Variants in KCNQ2 observed in about 807,000 individuals in gnomAD.
KCNQ2 encodes the protein potassium voltage-gated channel subfamily Q member 2.
Under a neutral mutation model 84.8 loss-of-function variants are expected in KCNQ2, and 14 were observed. The ratio of observed to expected loss-of-function variants is 0.17; its 90% CI spans 0.11 to 0.26. The LOEUF is 0.26. Among genes scored for constraint, KCNQ2 ranks in the 10% least tolerant of loss-of-function variants. The pLI, the probability that KCNQ2 is intolerant of heterozygous loss-of-function variation, is 1.00. For synonymous variants in KCNQ2, 599 were observed against 554.1 expected, an observed-to-expected ratio of 1.08 and a Z score of -1.14; for missense variants, 788 against 1,254.0, an observed-to-expected ratio of 0.63 and a Z score of 5.61.
At chr20:63,431,694 G>A (rs2080791863) in intron 8 of KCNQ2, among the ~76,000 whole-genome samples, 1 of 152,086 alleles carries the variant, frequency 6.6e-6, no homozygotes, top group South Asian at 2.1e-4. Flanking sequence ...GACCGCCAAG[G>A]GCTCTGGCAT....
intron 12 of KCNQ2, among the ~76,000 whole-genome samples, chr20:63,416,432 C>T (rs2080299750): frequency 6.6e-6 from 1 of 152,162 alleles, no homozygotes. Context: ...GATGTGGCCT[C>T]CTGAGGTCTG....
Position 63,456,102 on chromosome 20 carries a change from C to T in KCNQ2, c.297-9265G>A, listed in dbSNP as rs540617651. 5.2e-4 allele frequency among the ~76,000 whole-genome samples: 41 copies of T among 78,890 alleles called. 1 individual carries two copies. The highest frequency in any genetic ancestry group is 1.1e-3 in the South Asian group (2 of 1,772). 51.8% of individuals were successfully genotyped at this position (78,890 alleles called of 152,430 possible). A position where few individuals can be genotyped will look rare whatever the true frequency, so the allele number is the denominator to read the frequency against. On this transcript the variant is annotated intron_variant, in intron 1 of 16. Coordinates refer to ENST00000359125, the MANE Select transcript of KCNQ2 (RefSeq NM_172107.4). The stretch of plus-strand genomic sequence containing the variant: ...CCCCACCTCCGGGAGGCCCCTCTGC[C>T]CACGGGCCCCCCACCTCCGGGAGGC...
At chr20:63,465,749 C>T (rs1472071289) in intron 1 of KCNQ2, among the ~76,000 whole-genome samples, 1 of 152,208 alleles carries the variant, frequency 6.6e-6, no homozygotes, top group Non-Finnish European at 1.5e-5. Flanking sequence ...CAGGGCCCTC[C>T]CCTCCACAAA....
chr20:63,438,430 G>A lies in KCNQ2; in HGVS notation c.1023+195C>T, dbSNP rs2081066588. 2 of 644,852 alleles carry A rather than the reference G, an allele frequency of 3.1e-6. No homozygotes were observed. The highest frequency in any genetic ancestry group is 5.6e-6 in the Non-Finnish European group (2 of 356,120). 39.9% of individuals were successfully genotyped at this position (644,852 alleles called of 1,614,324 possible). A position where few individuals can be genotyped will look rare whatever the true frequency, so the allele number is the denominator to read the frequency against. On this transcript the variant is annotated intron_variant, in intron 7 of 16. Transcript: ENST00000359125. The surrounding 1 kb of genome is among the most constrained non-coding windows in gnomAD (Gnocchi z 5.1). Reference sequence around the variant, plus strand: ...GCGTCCTCACACGAGCCACCCCTGTGCAGCCTCAGGGGTTGGAGCCATTTC... The same window carrying A: ...GCGTCCTCACACGAGCCACCCCTGTACAGCCTCAGGGGTTGGAGCCATTTC...
chr20:63,432,565 G>A (rs1209434547), intron 8 of KCNQ2, among the ~76,000 whole-genome samples: 2 of 143,928 alleles, frequency 1.4e-5, no homozygotes, highest in Non-Finnish European at 3.0e-5. Context: ...CTCAGGGAAG[G>A]CTCCACCCTC....
intron 4 of KCNQ2, among the ~76,000 whole-genome samples, chr20:63,442,758 TCACCACCATCACCATCACCAC>T (rs2081223859): frequency 2.9e-4 from 10 of 34,812 alleles, no homozygotes; most frequent in Admixed American, 9.0e-4. Flanking sequence ...ACCATCACCA[TCACCACCATCACCATCACCAC>T]CACCACCATC....
Position 63,446,476 on chromosome 20 carries a change from C to T in KCNQ2, c.387+271G>A, listed in dbSNP as rs1459203748. Among the ~76,000 whole-genome samples, 1 of 152,152 alleles carries T rather than the reference C, an allele frequency of 6.6e-6. No individual in the cohort carries two copies. Among genetic ancestry groups the T allele is most frequent in the Non-Finnish European group, 1.5e-5 (1 of 68,008 alleles). ...GATGGGAAAGGGAGGGTGGCCCACCCAGGGTGGGGGCGATGGAGGCGGGGC... is the reference window on the plus strand; with the variant it reads ...GATGGGAAAGGGAGGGTGGCCCACCTAGGGTGGGGGCGATGGAGGCGGGGC... On this transcript the variant is annotated intron_variant, in intron 2 of 16. Coordinates refer to ENST00000359125, the MANE Select transcript of KCNQ2 (RefSeq NM_172107.4). This position sits in a 1 kb window ranked among gnomAD's most constrained non-coding sequence, Gnocchi z 5.5.
At chr20:63,428,993 G>C (rs1033623649) in intron 9 of KCNQ2, among the ~76,000 whole-genome samples, 1 of 152,030 alleles carries the variant, frequency 6.6e-6, no homozygotes, top group Non-Finnish European at 1.5e-5. Flanking sequence ...ATCCTCCGCA[G>C]GTGGCCCAGC....
rs933583211 is a variant in KCNQ2 at position 63,460,365 on chromosome 20, C to A, written c.296+11803G>T. ...ACACTCCCTTCATGGGCTCAAGCTG[C>A]CTGTCAGCCCCACCCGAAACCCATT... On this transcript the variant is annotated intron_variant, in intron 1 of 16. Transcript: ENST00000359125. The surrounding 1 kb of genome is among the most constrained non-coding windows in gnomAD (Gnocchi z 5.4). 6.6e-6 allele frequency among the ~76,000 whole-genome samples: 1 copy of A among 152,150 alleles called. No individual in the cohort carries two copies. The highest frequency in any genetic ancestry group is 1.5e-5 in the Non-Finnish European group (1 of 68,006).
chr20:63,463,357 G>C (rs1032478530), intron 1 of KCNQ2, among the ~76,000 whole-genome samples: 1 of 152,098 alleles, frequency 6.6e-6, no homozygotes, highest in Non-Finnish European at 1.5e-5. Flanking sequence ...TCCGTCCTGG[G>C]GTGGCGCTCC....
Position 63,444,712 on chromosome 20 carries a change from G to T in KCNQ2, c.637C>A (p.Arg213=), listed in dbSNP as rs118192203. ...AGCAGCTTCCAGGTGCCTCCCCGCC[G>T]GTCCATGCGGATCATCCGCAGAATC... ...LQILRMIRMD[R]RGGTWKLLGS... is the part of the protein sequence containing the mutation. The change falls in exon 4 of 17, where the codon CGG becomes AGG. Residue 213 remains arginine, a synonymous_variant. Coordinates refer to ENST00000359125, the MANE Select transcript of KCNQ2 (RefSeq NM_172107.4). The T allele has an allele frequency of 6.3e-7, 1 of 1,597,166 alleles. No individual in the cohort carries two copies. Among genetic ancestry groups the T allele is most frequent in the South Asian group, 1.1e-5 (1 of 88,370 alleles).
At chr20:63,443,367 T>G (rs1175412186) in intron 4 of KCNQ2, among the ~76,000 whole-genome samples, 2 of 20,288 alleles carry the variant, frequency 9.9e-5, no homozygotes, top group East Asian at 1.3e-3. Context: ...ACCATCACCA[T>G]CATCACCACC....
At chr20:63,415,193 G>T in intron 12 of KCNQ2, 67 bp from the exon 13 acceptor site, 1 of 1,411,798 alleles carries the variant, frequency 7.1e-7, no homozygotes, top group Non-Finnish European at 9.8e-7. Flanking sequence ...AAAGAACACA[G>T]GCCGTGTCTG....
In KCNQ2 at chr20:63,442,650, TCACCACCACCATCACCACCACCACCAC is replaced by T. The variant is rs1568933436; in HGVS notation, c.691-146_691-120del. On this transcript the variant is annotated intron_variant, in intron 4 of 16. Coordinates refer to ENST00000359125, the MANE Select transcript of KCNQ2 (RefSeq NM_172107.4). ...ACCACCATCACCACCACCAAAACCA[TCACCACCACCATCACCACCACCACCAC>T]CACCACCATCACCATCACCACCATC... is the stretch of plus-strand genomic sequence containing the variant. The T allele has an allele frequency of 4.8e-5, 35 of 733,390 alleles. 1 individual carries two copies. The African/African-American group carries it at 7.9e-4, about 17-fold the overall frequency. The allele number at this position is 733,390 out of a possible 1,614,324, so 45.4% of individuals were successfully genotyped here. A position where few individuals can be genotyped will look rare whatever the true frequency, so the allele number is the denominator to read the frequency against.
chr20:63,412,027 C>T (rs941054846), intron 15 of KCNQ2: 42 of 593,496 alleles, frequency 7.1e-5, no homozygotes, highest in South Asian at 2.4e-4. Flanking sequence ...GTGTGGACGC[C>T]GCCTCGCTGG....
chr20:63,458,096 AC>A (rs2081852157), intron 1 of KCNQ2, among the ~76,000 whole-genome samples: 1 of 148,078 alleles, frequency 6.8e-6, no homozygotes, highest in South Asian at 2.2e-4. Flanking sequence ...GCCCTCCCCG[AC>A]CCCGCAACCT....
chr20:63,415,168 G>C (rs1167963387), intron 12 of KCNQ2, 42 bp from the exon 13 acceptor site: 1 of 775,736 alleles, frequency 1.3e-6, no homozygotes, highest in Non-Finnish European at 2.0e-6. Flanking sequence ...AAAACAGGGA[G>C]AGAAGTCACT....
Position 63,446,198 on chromosome 20 carries a change from C to T in KCNQ2, c.387+549G>A. The T allele has an allele frequency of 3.8e-6, 1 of 263,320 alleles. No homozygotes were observed. The highest frequency in any genetic ancestry group is 7.4e-6 in the Non-Finnish European group (1 of 134,826). The allele number at this position is 263,320 out of a possible 1,614,324, so 16.3% of individuals were successfully genotyped here. ...ACTGCAAAGGGGGCCACAGTCTCCA[C>T]CCAGACCTTGGGAAGCCCCAGAACA... is the stretch of plus-strand genomic sequence containing the variant. On this transcript the variant is annotated intron_variant, in intron 2 of 16. Coordinates refer to ENST00000359125, the MANE Select transcript of KCNQ2 (RefSeq NM_172107.4). The surrounding 1 kb of genome is among the most constrained non-coding windows in gnomAD (Gnocchi z 5.5).
At chr20:63,440,168 G>A (rs1027380790) in intron 5 of KCNQ2, among the ~76,000 whole-genome samples, 8 of 152,162 alleles carry the variant, frequency 5.3e-5, no homozygotes, top group Admixed American at 3.3e-4. Context: ...CACAAGAGGC[G>A]GGGGAGTGGT....
Sources: gnomAD v4.1 joint callset for allele counts (sites outside exome capture counted in the v4.1 genomes callset) on GRCh38, gnomAD v4.1.1 for gene constraint, Gnocchi (gnomAD v3.1) non-coding constraint, MANE v1.5 for transcripts, NCBI Gene and HGNC (gene_info 2026-07-23, HGNC 2026-07-21) for gene names.